Variants in DHRS7C observed in about 807,000 individuals in gnomAD.
DHRS7C encodes the protein dehydrogenase/reductase 7C, also known as dehydrogenase/reductase SDR family member 7C.
A neutral mutation model predicts 29.6 loss-of-function variants in DHRS7C; 28 were observed. The ratio of observed to expected loss-of-function variants is 0.95; its 90% CI spans 0.70 to 1.30. The LOEUF (loss-of-function observed/expected upper bound fraction) is 1.30. Among genes scored for constraint, DHRS7C ranks in the 50% most tolerant of loss-of-function variants. The pLI is 0.00. For missense variants in DHRS7C, 403 were observed against 393.3 expected (o/e 1.02, Z -0.21); for synonymous variants, 158 against 160.2 (o/e 0.99, Z 0.10).
chr17:9,788,506 CTTGA>C (rs1291918951), intron 1 of DHRS7C, among the ~76,000 whole-genome samples: 1 of 152,352 alleles, frequency 6.6e-6, no homozygotes, highest in Non-Finnish European at 1.5e-5. Context: ...CGTGCCTGGC[CTTGA>C]TTGTCACTCT....
intron 1 of DHRS7C, among the ~76,000 whole-genome samples, chr17:9,789,398 A>G (rs960588758): frequency 6.6e-6 from 1 of 152,192 alleles, no homozygotes; most frequent in Admixed American, 6.5e-5. Context: ...CCCTGATCAC[A>G]TGTCACTTTT....
At chr17:9,781,930 A>G (rs141375703) in intron 1 of DHRS7C, among the ~76,000 whole-genome samples, 86 of 152,368 alleles carry the variant, frequency 5.6e-4, no homozygotes, top group African/African-American at 2.0e-3. Context: ...AGATATCTCA[A>G]TCTAAAGATA....
At chr17:9,772,507 G>A (rs2152014461) in intron 5 of DHRS7C, among the ~76,000 whole-genome samples, 1 of 152,294 alleles carries the variant, frequency 6.6e-6, no homozygotes, top group African/African-American at 2.4e-5. Context: ...GCAGTTGCTT[G>A]CCGAGGTGGC....
At chr17:9,781,023 A>G (rs1469841522) in intron 2 of DHRS7C, among the ~76,000 whole-genome samples, 1 of 152,258 alleles carries the variant, frequency 6.6e-6, no homozygotes, top group Non-Finnish European at 1.5e-5. Flanking sequence ...CTCCAAAGAC[A>G]GTCCCCTGAC....
At position 9,772,977 on chromosome 17, in the gene DHRS7C, G is replaced by A. The variant is rs2066340467; in HGVS notation, c.572-55C>T. 4.4e-6 allele frequency: 7 copies of A among 1,596,612 alleles called. No homozygotes were observed. The East Asian group carries it at 1.6e-4, about 36-fold the overall frequency. On this transcript the variant is annotated intron_variant, in intron 4 of 5. Transcript: ENST00000571134. ...CAGGACACTCCCGGCCCTGCTTCCTGGTGGGCGCATTGGAGGCAGGAGGGC... is the reference window on the plus strand; with the variant it reads ...CAGGACACTCCCGGCCCTGCTTCCTAGTGGGCGCATTGGAGGCAGGAGGGC...
rs1026903623 is a variant in DHRS7C, at chr17:9,771,714, G to C, written c.728-18C>G. On this transcript the variant is annotated intron_variant, in intron 5 of 5. Transcript: ENST00000571134. ...GAAAAAGACTGAAAGGCCCCAGTTGGGGGCGGGGGTTATGACCTCCGTGGG... is the reference window on the plus strand; with the variant it reads ...GAAAAAGACTGAAAGGCCCCAGTTGCGGGCGGGGGTTATGACCTCCGTGGG... The C allele has an allele frequency of 7.0e-7, 1 of 1,435,460 alleles. No individual in the cohort carries two copies. The highest frequency in any genetic ancestry group is 9.2e-7 in the Non-Finnish European group (1 of 1,085,140). 88.9% of individuals were successfully genotyped at this position (1,435,460 alleles called of 1,614,324 possible).
chr17:9,772,921 G>A lies in DHRS7C; in HGVS notation c.573C>T (p.Tyr191=). ...GKFGIPFRTT[Y]AASKHAALGF... ...CCAGGGCTGCGTGCTTGGAGGCAGC[G>A]TCTGCGAGACAAACCATCCGGAGGT... Residue 191 remains tyrosine (Y), a splice_region_variant and synonymous_variant, in exon 5 of 6, where the codon TAC becomes TAT. Transcript: ENST00000571134. 1.2e-6 allele frequency: 2 copies of A among 1,613,462 alleles called. No individual in the cohort carries two copies. Among genetic ancestry groups the A allele is most frequent in the South Asian group, 1.1e-5 (1 of 91,074 alleles).
intron 1 of DHRS7C, among the ~76,000 whole-genome samples, chr17:9,786,002 C>T (rs1034409888): frequency 1.3e-5 from 2 of 151,960 alleles, no homozygotes; most frequent in East Asian, 1.9e-4. Context: ...CGGGACCCAC[C>T]GTGACGGAAG....
rs2066327114 is a variant in DHRS7C at position 9,771,506 on chromosome 17, A to T, written c.918T>A (p.Asn306Lys). Residue 306 changes from asparagine to lysine, a missense_variant, in exon 6 of 6, where the codon AAT becomes AAA. Transcript: ENST00000571134. ...CCTGCAGTTACCCCTCCTCCGGGAC[A>T]TTGAGCTTCTCCTTCACCCCACAGG... ...VVACGVKEKL[N>K]VPEEG The T allele has an allele frequency of 6.5e-7, 1 of 1,546,926 alleles. No homozygotes were observed. The highest frequency in any genetic ancestry group is 1.4e-5 in the African/African-American group (1 of 72,560).
rs1016698581 is a variant in DHRS7C at position 9,774,905 on chromosome 17, A to G, written c.572-1983T>C. On this transcript the variant is annotated intron_variant, in intron 4 of 5. Coordinates refer to ENST00000571134, the MANE Select transcript of DHRS7C (RefSeq NM_001105571.3). The surrounding 1 kb of genome is among the most constrained non-coding windows in gnomAD (Gnocchi z 5.0). ...GCATGGCTTCAGTTCTGACATTTAC[A>G]TGGGAAACTCTGTGCCCCTCAATTC... is the stretch of plus-strand genomic sequence containing the variant. 3.9e-5 allele frequency among the ~76,000 whole-genome samples: 6 copies of G among 152,282 alleles called. No individual in the cohort carries two copies. Among genetic ancestry groups the G allele is most frequent in the Admixed American group, 1.3e-4 (2 of 15,306 alleles).
intron 5 of DHRS7C, among the ~76,000 whole-genome samples, chr17:9,771,903 G>A (rs776822103): frequency 2.0e-5 from 3 of 152,248 alleles, no homozygotes. Context: ...TTCGTCTATA[G>A]GATGGACCTG....
At chr17:9,779,263 A>C (rs759572949) in intron 3 of DHRS7C, among the ~76,000 whole-genome samples, 21 of 152,282 alleles carry the variant, frequency 1.4e-4, no homozygotes, top group Middle Eastern at 6.8e-3. Context: ...TAGGCCCCTC[A>C]GACAGGTTCA....
chr17:9,775,739 G>T lies in DHRS7C; in HGVS notation c.571+1454C>A, dbSNP rs1203558895. 6.6e-6 allele frequency among the ~76,000 whole-genome samples: 1 copy of T among 152,124 alleles called. No individual in the cohort carries two copies. Among genetic ancestry groups the T allele is most frequent in the Admixed American group, 6.5e-5 (1 of 15,276 alleles). ...AGGAAGGTAAAACACTACTAGAGCGGGTGTTATGGGTTGAATTCTGTTATC... is the reference window on the plus strand; with the variant it reads ...AGGAAGGTAAAACACTACTAGAGCGTGTGTTATGGGTTGAATTCTGTTATC... On this transcript the variant is annotated intron_variant, in intron 4 of 5. Transcript: ENST00000571134. This position sits in a 1 kb window ranked among gnomAD's most constrained non-coding sequence, Gnocchi z 4.2.
At chr17:9,791,009 C>T (rs2066451584) in intron 1 of DHRS7C, 122 bp downstream of exon 1, 2 of 1,216,216 alleles carry the variant, frequency 1.6e-6, no homozygotes, top group Non-Finnish European at 2.3e-6. Context: ...GGAGAGAACA[C>T]AGGATCGATC....
chr17:9,779,792 C>G (rs2066382779), intron 3 of DHRS7C, 33 bp downstream of exon 3: 2 of 1,588,888 alleles, frequency 1.3e-6, no homozygotes, highest in African/African-American at 2.7e-5. Context: ...TCTGGTGGCC[C>G]AGATACCCAT....
chr17:9,782,202 G>A (rs982762044), intron 1 of DHRS7C, among the ~76,000 whole-genome samples: 1 of 152,206 alleles, frequency 6.6e-6, no homozygotes, highest in African/African-American at 2.4e-5. Context: ...GATTTGGAGA[G>A]TTTGCTTGCT....
At chr17:9,783,692 G>A (rs191776833) in intron 1 of DHRS7C, among the ~76,000 whole-genome samples, 61 of 152,298 alleles carry the variant, frequency 4.0e-4, no homozygotes, top group African/African-American at 1.3e-3. Flanking sequence ...GGAGCTGGGC[G>A]CGGTGGCTCA....
At position 9,774,377 on chromosome 17, in the gene DHRS7C, C is replaced by T. The variant is rs528869935; in HGVS notation, c.572-1455G>A. ...TCAGCTCACTGCAATCTCTGCCTCC[C>T]GGGCTCAAGCAATTCTCCAGCCTTA... On this transcript the variant is annotated intron_variant, in intron 4 of 5. Coordinates refer to ENST00000571134, the MANE Select transcript of DHRS7C (RefSeq NM_001105571.3). This position sits in a 1 kb window ranked among gnomAD's most constrained non-coding sequence, Gnocchi z 5.0. Among the ~76,000 whole-genome samples the T allele has an allele frequency of 7.9e-5, 12 of 152,312 alleles. No homozygotes were observed. Among genetic ancestry groups the T allele is most frequent in the Non-Finnish European group, 1.5e-4 (10 of 68,032 alleles).
chr17:9,782,951 G>A (rs2066401515), intron 1 of DHRS7C: 1 of 152,320 alleles, frequency 6.6e-6, no homozygotes, highest in Non-Finnish European at 1.5e-5. Context: ...GGAGAGAAGG[G>A]ACCTGCTGCA....
Sources: allele counts gnomAD v4.1 joint callset (sites outside exome capture counted in the v4.1 genomes callset), GRCh38; gene constraint gnomAD v4.1.1; non-coding constraint Gnocchi (gnomAD v3.1); transcripts MANE v1.5; gene names NCBI Gene and HGNC (gene_info 2026-07-23, HGNC 2026-07-21).